Variants in STXBP5 observed in about 807,000 individuals in gnomAD.
STXBP5 encodes syntaxin binding protein 5.
STXBP5 carries 50 observed loss-of-function variants against 152.4 expected under a neutral mutation model. That is an observed-to-expected ratio of 0.33 (90% confidence interval 0.26 to 0.42). The LOEUF (loss-of-function observed/expected upper bound fraction) is 0.42. STXBP5 is among the 10% of genes least tolerant of loss of function. The probability of loss-of-function intolerance (pLI) is 1.00; values close to 1 mark genes in which losing one functional copy is unlikely to be tolerated. For missense variants in STXBP5, 1,167 were observed against 1,388.6 expected (o/e 0.84, Z 2.54); for synonymous variants, 492 against 494.7 (o/e 0.99, Z 0.07).
intron 25 of STXBP5, among the ~76,000 whole-genome samples, chr6:147,364,600 G>A (rs1330011635): frequency 3.3e-5 from 5 of 152,124 alleles, no homozygotes; most frequent in South Asian, 2.1e-4. Context: ...ATGTTATTTG[G>A]TAGTTTTCCT....
At chr6:147,352,630 G>A (rs1056432141) in intron 21 of STXBP5, among the ~76,000 whole-genome samples, 4 of 151,980 alleles carry the variant, frequency 2.6e-5, no homozygotes, top group Non-Finnish European at 4.4e-5. Context: ...AAAGAAGAAT[G>A]AACCCAGTAG....
chr6:147,339,959 A>G (rs1784017349), intron 21 of STXBP5, among the ~76,000 whole-genome samples: 1 of 151,980 alleles, frequency 6.6e-6, no homozygotes, highest in Admixed American at 6.6e-5. Flanking sequence ...CAAAGTTCTC[A>G]AAGTTTAAAA....
chr6:147,207,850 T>G (rs754799663), intron 2 of STXBP5, among the ~76,000 whole-genome samples: 6 of 152,186 alleles, frequency 3.9e-5, no homozygotes, highest in African/African-American at 7.2e-5. Context: ...CCTTGTAACA[T>G]CCAATCTGGC....
intron 2 of STXBP5, among the ~76,000 whole-genome samples, chr6:147,228,047 T>G (rs1489698449): frequency 6.6e-6 from 1 of 152,136 alleles, no homozygotes; most frequent in Non-Finnish European, 1.5e-5. Context: ...GCTGGGCCAG[T>G]GTTGTTTATG....
At chr6:147,213,434 A>ATATATGTGTGTGTGTGTGTG (rs1216361619) in intron 2 of STXBP5, among the ~76,000 whole-genome samples, 4 of 85,534 alleles carry the variant, frequency 4.7e-5, no homozygotes, top group African/African-American at 1.7e-4. Flanking sequence ...AATTTTATAT[A>ATATATGTGTGTGTGTGTGTG]TGTGTGTGTG....
chr6:147,267,401 C>T lies in STXBP5; in HGVS notation c.714+234C>T, dbSNP rs777607850. Among the ~76,000 whole-genome samples, 18 of 152,250 alleles carry T rather than the reference C, an allele frequency of 1.2e-4. No homozygotes were observed. The South Asian group carries it at 1.2e-3, about 11-fold the overall frequency. On this transcript the variant is annotated intron_variant, in intron 7 of 27. Transcript: ENST00000321680. ...CAGGTAGCATGTTACCAGTTTCTCT[C>T]ATGTTCTTCCAAAGAGACACTGTGC...
intron 25 of STXBP5, among the ~76,000 whole-genome samples, chr6:147,372,406 CCTTTTTTTTTTTTTT>C (rs765129228): frequency 7.7e-5 from 3 of 39,108 alleles, no homozygotes; most frequent in Non-Finnish European, 1.0e-4. Flanking sequence ...CCGTCCTTTT[CCTTTTTTTTTTTTTT>C]TTTTTTTTTT....
chr6:147,216,144 C>T (rs1016845219), intron 2 of STXBP5, among the ~76,000 whole-genome samples: 7 of 152,268 alleles, frequency 4.6e-5, no homozygotes, highest in Middle Eastern at 3.4e-3. Flanking sequence ...GTAATCCCAG[C>T]GCTTTGGGAG....
intron 26 of STXBP5, among the ~76,000 whole-genome samples, chr6:147,376,110 T>C (rs1465259666): frequency 3.3e-5 from 5 of 152,196 alleles, no homozygotes; most frequent in African/African-American, 1.2e-4. Flanking sequence ...ATAATCTTTA[T>C]GAACTGCAAA....
intron 5 of STXBP5, 141 bp from the exon 6 acceptor site, chr6:147,262,149 C>G (rs1252516086): frequency 6.9e-6 from 4 of 577,580 alleles, no homozygotes; most frequent in Non-Finnish European, 1.2e-5. Flanking sequence ...GAACTATATG[C>G]CTATTATTTA....
chr6:147,300,629 C>T (rs1781759333), intron 9 of STXBP5, among the ~76,000 whole-genome samples: 1 of 152,066 alleles, frequency 6.6e-6, no homozygotes, highest in Admixed American at 6.6e-5. Flanking sequence ...AGCCACACTC[C>T]TTTCACCAAA....
rs1350172517 is a variant in STXBP5, at chr6:147,327,150, A to G, written c.1954A>G (p.Ile652Val). 2 of 1,612,326 alleles carry G rather than the reference A, an allele frequency of 1.2e-6. No individual in the cohort carries two copies. The highest frequency in any genetic ancestry group is 4.5e-5 in the East Asian group (2 of 44,824). ...GGTGGTTTTTGGCAATTGCAATGGCATTGCTATGGTTGACTACCTCCAGAA... is the reference window on the plus strand; with the variant it reads ...GGTGGTTTTTGGCAATTGCAATGGCGTTGCTATGGTTGACTACCTCCAGAA... Reference protein sequence around the residue: ...GLVVFGNCNGIAMVDYLQKAV... With the variant: ...GLVVFGNCNGVAMVDYLQKAV... The change falls in exon 18 of 28, where the codon ATT (isoleucine) becomes GTT (valine). Residue 652 changes from isoleucine (I) to valine (V), a missense_variant. Ile to Val is a conservative substitution (Grantham distance 29, BLOSUM62 3). This residue lies in a region of STXBP5 where 833 missense variants were observed against 986.3 expected (regional missense o/e 0.84). Coordinates refer to ENST00000321680, the MANE Select transcript of STXBP5 (RefSeq NM_001127715.4).
chr6:147,279,984 G>A (rs1780624815), intron 8 of STXBP5, among the ~76,000 whole-genome samples: 3 of 151,828 alleles, frequency 2.0e-5, no homozygotes, highest in Admixed American at 2.0e-4. Flanking sequence ...TGTAAGAATA[G>A]TACAAAGGAT....
At chr6:147,380,882 T>C (rs1444422390) in intron 26 of STXBP5, among the ~76,000 whole-genome samples, 4 of 152,156 alleles carry the variant, frequency 2.6e-5, no homozygotes, top group African/African-American at 9.7e-5. Flanking sequence ...CTCATGCTGC[T>C]AATAAAGACA....
chr6:147,261,458 A>G (rs1296047085), intron 5 of STXBP5, among the ~76,000 whole-genome samples: 1 of 151,940 alleles, frequency 6.6e-6, no homozygotes, highest in Non-Finnish European at 1.5e-5. Flanking sequence ...ACCCTTTTGA[A>G]TGTTTCTTTT....
At chr6:147,368,876 A>G (rs1785415413) in intron 25 of STXBP5, among the ~76,000 whole-genome samples, 1 of 151,946 alleles carries the variant, frequency 6.6e-6, no homozygotes, top group South Asian at 2.1e-4. Flanking sequence ...ATACTTTGGG[A>G]TAAATCTAAC....
chr6:147,209,093 G>A (rs1776718885), intron 2 of STXBP5, among the ~76,000 whole-genome samples: 1 of 151,968 alleles, frequency 6.6e-6, no homozygotes, highest in African/African-American at 2.4e-5. Context: ...CTTTAATCAT[G>A]GGTTACCCTG....
rs143386290 is a variant in STXBP5, at chr6:147,282,209, A to G, written c.838+4005A>G. On this transcript the variant is annotated intron_variant, in intron 8 of 27. Transcript: ENST00000321680. ...TTCCACAAAGACTAGTTTTTCTTAT[A>G]TTTATGATTCGTTTGGTGGAAAAGG... 1.7e-4 allele frequency among the ~76,000 whole-genome samples: 26 copies of G among 152,332 alleles called. No individual in the cohort carries two copies. In the East Asian group the frequency reaches 4.6e-3, roughly 27 times the overall value.
chr6:147,234,393 T>A (rs1778166561), intron 2 of STXBP5, among the ~76,000 whole-genome samples: 2 of 151,870 alleles, frequency 1.3e-5, no homozygotes, highest in South Asian at 4.1e-4. Flanking sequence ...TTGATGTTTT[T>A]ACTCAGCATA....
Sources: allele counts gnomAD v4.1 joint callset (sites outside exome capture counted in the v4.1 genomes callset), GRCh38; gene constraint gnomAD v4.1.1; regional missense constraint gnomAD v4.1.1; transcripts MANE v1.5; gene names NCBI Gene and HGNC (gene_info 2026-07-23, HGNC 2026-07-21).